Variants in CDH4 observed in about 807,000 individuals in gnomAD.
The protein encoded by CDH4 is cadherin-4.
CDH4 carries 33 observed loss-of-function variants against 86.0 expected under a neutral mutation model. The ratio of observed to expected loss-of-function variants is 0.38; its 90% confidence interval spans 0.29 to 0.51. CDH4 has a LOEUF of 0.51. CDH4 is among the 20% of genes least tolerant of loss of function. CDH4 has a pLI of 0.86. For missense variants in CDH4, 1,114 were observed against 1,307.4 expected, an observed-to-expected ratio of 0.85 and a Z score of 2.28; for synonymous variants, 555 against 549.4, an observed-to-expected ratio of 1.01 and a Z score of -0.14.
intron 2 of CDH4, among the ~76,000 whole-genome samples, chr20:61,549,647 C>G: frequency 6.6e-6 from 1 of 152,322 alleles, no homozygotes; most frequent in East Asian, 1.9e-4. Flanking sequence ...GGACGTCAAG[C>G]ACGTGCTGGG....
chr20:61,660,215 C>T (rs2087238148), intron 2 of CDH4, among the ~76,000 whole-genome samples: 2 of 152,222 alleles, frequency 1.3e-5, no homozygotes. Context: ...CCAGAGGCCG[C>T]CCCTCCCCGT....
chr20:61,516,437 C>T lies in CDH4; in HGVS notation c.170-227126C>T, dbSNP rs75521967. On this transcript the variant is annotated intron_variant, in intron 2 of 15. Transcript: ENST00000614565. The surrounding 1 kb of genome is among the most constrained non-coding windows in gnomAD (Gnocchi z 4.0). ...CCTCCGACTCCTCATCACCAGATGCCGCTGCGGCTTCCATTTTACAGACCG... is the reference window on the plus strand; with the variant it reads ...CCTCCGACTCCTCATCACCAGATGCTGCTGCGGCTTCCATTTTACAGACCG... 5.6e-3 allele frequency among the ~76,000 whole-genome samples: 846 copies of T among 152,228 alleles called. 10 individuals carry two copies. Among genetic ancestry groups the T allele is most frequent in the African/African-American group, 0.02 (813 of 41,512 alleles).
At chr20:61,262,553 A>G (rs1266999457) in intron 2 of CDH4, among the ~76,000 whole-genome samples, 1 of 152,126 alleles carries the variant, frequency 6.6e-6, no homozygotes, top group Admixed American at 6.5e-5. Context: ...TTCAGAAATA[A>G]TGATTTTTCT....
chr20:61,547,226 C>T (rs1372763067), intron 2 of CDH4, among the ~76,000 whole-genome samples: 2 of 127,396 alleles, frequency 1.6e-5, no homozygotes, highest in East Asian at 2.2e-4. Flanking sequence ...TTTTTTTTGC[C>T]CCCTGAGACG....
intron 2 of CDH4, among the ~76,000 whole-genome samples, chr20:61,634,552 T>C (rs2086927376): frequency 6.6e-6 from 1 of 152,170 alleles, no homozygotes; most frequent in Admixed American, 6.5e-5. Context: ...GGAGCAGACT[T>C]TGCAGGAAGC....
At chr20:61,865,163 CGCT>C (rs1983491587) in intron 6 of CDH4, among the ~76,000 whole-genome samples, 1 of 152,124 alleles carries the variant, frequency 6.6e-6, no homozygotes, top group African/African-American at 2.4e-5. Flanking sequence ...CTGCATCCCT[CGCT>C]GCATCCGGCA....
rs2055243746 is a variant in CDH4 at position 61,939,957 on chromosome 20, TCTCA to T, written c.*3015_*3018del. On this transcript the variant is annotated 3_prime_UTR_variant, in exon 16 of 16. Coordinates refer to ENST00000614565, the MANE Select transcript of CDH4 (RefSeq NM_001794.5). ...TCAGAGCAATGTCCAACTGTCAGGC[TCTCA>T]GAGATGCCTCAGTTTCCCTAGCATG... The T allele has an allele frequency of 6.6e-6, 1 of 152,196 alleles. No individual in the cohort carries two copies. The highest frequency in any genetic ancestry group is 6.5e-5 in the Admixed American group (1 of 15,278). 9.4% of individuals were successfully genotyped at this position (152,196 alleles called of 1,614,324 possible). A position where few individuals can be genotyped will look rare whatever the true frequency, so the allele number is the denominator to read the frequency against.
intron 2 of CDH4, among the ~76,000 whole-genome samples, chr20:61,305,972 A>G (rs2084415000): frequency 6.6e-6 from 1 of 152,170 alleles, no homozygotes; most frequent in South Asian, 2.1e-4. Context: ...CAATAGCACC[A>G]CTTCCGTTGA....
At chr20:61,651,289 C>T (rs1031656356) in intron 2 of CDH4, among the ~76,000 whole-genome samples, 9 of 152,222 alleles carry the variant, frequency 5.9e-5, no homozygotes, top group Admixed American at 2.6e-4. Flanking sequence ...AGGGTCTCAA[C>T]GCTCAGGGAA....
At chr20:61,686,867 C>T (rs931157873) in intron 2 of CDH4, among the ~76,000 whole-genome samples, 1 of 152,182 alleles carries the variant, frequency 6.6e-6, no homozygotes, top group Non-Finnish European at 1.5e-5. Flanking sequence ...TGTGCATGTA[C>T]AGGACGGAGA....
At chr20:61,790,686 CTCCA>C (rs1979135760) in intron 4 of CDH4, among the ~76,000 whole-genome samples, 1 of 151,594 alleles carries the variant, frequency 6.6e-6, no homozygotes, top group Non-Finnish European at 1.5e-5. Context: ...CCATTCATCT[CTCCA>C]TCCATCCATT....
Position 61,594,493 on chromosome 20 carries a change from G to A in CDH4, c.170-149070G>A, listed in dbSNP as rs113899539. On this transcript the variant is annotated intron_variant, in intron 2 of 15. Coordinates refer to ENST00000614565, the MANE Select transcript of CDH4 (RefSeq NM_001794.5). ...CATGTGTGTCCCCTCAACGTCAACA[G>A]CAGCCGGGGTTTCCAAAACGGCATG... Among the ~76,000 whole-genome samples, 16 of 152,330 alleles carry A rather than the reference G, an allele frequency of 1.1e-4. 1 individual carries two copies. Among genetic ancestry groups the A allele is most frequent in the African/African-American group, 3.6e-4 (15 of 41,574 alleles).
chr20:61,731,808 G>C (rs748320088), intron 2 of CDH4, among the ~76,000 whole-genome samples: 1 of 152,268 alleles, frequency 6.6e-6, no homozygotes, highest in Non-Finnish European at 1.5e-5. Context: ...GGGTGCGGCT[G>C]TTCCTCCACC....
chr20:61,641,372 C>T (rs2087007470), intron 2 of CDH4, among the ~76,000 whole-genome samples: 1 of 152,074 alleles, frequency 6.6e-6, no homozygotes, highest in Non-Finnish European at 1.5e-5. Flanking sequence ...CACAGCCCAC[C>T]CCTCCAGCTC....
At chr20:61,731,125 C>T (rs2088177595) in intron 2 of CDH4, among the ~76,000 whole-genome samples, 7 of 152,074 alleles carry the variant, frequency 4.6e-5, no homozygotes, top group Admixed American at 4.6e-4. Context: ...ACGGCAGGGT[C>T]CTCTCATCTG....
chr20:61,305,269 T>A (rs1163307112), intron 2 of CDH4, among the ~76,000 whole-genome samples: 1 of 152,180 alleles, frequency 6.6e-6, no homozygotes, highest in Non-Finnish European at 1.5e-5. Context: ...GAAGAAACCT[T>A]CCACCCAGCG....
chr20:61,851,165 T>C (rs1338254971), intron 5 of CDH4, among the ~76,000 whole-genome samples: 1 of 152,108 alleles, frequency 6.6e-6, no homozygotes, highest in African/African-American at 2.4e-5. Context: ...TTAAACATGA[T>C]ATGTAAAGCT....
intron 2 of CDH4, among the ~76,000 whole-genome samples, chr20:61,449,250 G>C (rs530170566): frequency 7.2e-5 from 11 of 152,284 alleles, no homozygotes; most frequent in South Asian, 4.1e-4. Flanking sequence ...TCCACGGGGG[G>C]GCCGAGGGAC....
intron 13 of CDH4, 115 bp downstream of exon 13, chr20:61,929,957 C>T: frequency 3.9e-6 from 3 of 773,666 alleles, no homozygotes; most frequent in Non-Finnish European, 6.5e-6. Context: ...ATCTCTCAGC[C>T]TCATCTGTCA....
Sources: gnomAD v4.1 joint callset for allele counts (sites outside exome capture counted in the v4.1 genomes callset) on GRCh38, gnomAD v4.1.1 for gene constraint, Gnocchi (gnomAD v3.1) non-coding constraint, MANE v1.5 for transcripts, NCBI Gene and HGNC (gene_info 2026-07-23, HGNC 2026-07-21) for gene names.